The following DLG2 variants were observed in gnomAD, a reference collection of about 807,000 sequenced individuals.
DLG2 encodes disks large homolog 2.
Under a neutral mutation model 132.5 loss-of-function variants are expected in DLG2, and 45 were observed. The observed-to-expected ratio is 0.34, with a 90% confidence interval of 0.27 to 0.44. The LOEUF is 0.44. Ranked by LOEUF, DLG2 falls within the 20% of genes least tolerant of loss-of-function variation. The pLI, the probability that DLG2 is intolerant of heterozygous loss-of-function variation, is 1.00. For synonymous variants in DLG2, 424 were observed against 419.6 expected, an observed-to-expected ratio of 1.01 and a Z score of -0.13; for missense variants, 1,045 against 1,196.9, an observed-to-expected ratio of 0.87 and a Z score of 1.87.
chr11:85,260,838 T>A (rs114802751), intron 4 of DLG2, among the ~76,000 whole-genome samples: 116 of 152,296 alleles, frequency 7.6e-4, no homozygotes, highest in African/African-American at 2.6e-3. Context: ...CTGATCTGCA[T>A]GTGGGAAAGA....
intron 17 of DLG2, among the ~76,000 whole-genome samples, chr11:83,825,755 G>A (rs2052565484): frequency 6.6e-6 from 1 of 152,166 alleles, no homozygotes; most frequent in African/African-American, 2.4e-5. Context: ...AAACACACTT[G>A]TGTGTGGTTT....
intron 12 of DLG2, among the ~76,000 whole-genome samples, chr11:83,976,589 C>T (rs188569014): frequency 7.2e-4 from 110 of 151,938 alleles, no homozygotes; most frequent in African/African-American, 2.5e-3. Flanking sequence ...TTTAGGGTGG[C>T]TTCAGTGATT....
At chr11:84,203,941 A>T (rs1566920560) in intron 8 of DLG2, among the ~76,000 whole-genome samples, 1 of 152,122 alleles carries the variant, frequency 6.6e-6, no homozygotes, top group Non-Finnish European at 1.5e-5. Context: ...TTAAAATAAA[A>T]GTCGGGGAAA....
At chr11:83,694,817 T>C (rs138468806) in intron 18 of DLG2, among the ~76,000 whole-genome samples, 44 of 152,352 alleles carry the variant, frequency 2.9e-4, no homozygotes, top group African/African-American at 9.9e-4. Flanking sequence ...GCTGAAAATC[T>C]ACTCCACGAT....
At chr11:84,664,444 C>A (rs141971483) in intron 6 of DLG2, among the ~76,000 whole-genome samples, 1 of 152,144 alleles carries the variant, frequency 6.6e-6, no homozygotes, top group Admixed American at 6.5e-5. Context: ...AAGACTTTGA[C>A]AAATGTTTAT....
chr11:83,837,723 C>CAAAAAAAAAAAAAAGAAAAAA (rs2056582790), intron 16 of DLG2, among the ~76,000 whole-genome samples: 1 of 45,948 alleles, frequency 2.2e-5, no homozygotes, highest in Non-Finnish European at 3.6e-5. Flanking sequence ...ACATAGCAAG[C>CAAAAAAAAAAAAAAGAAAAAA]AAAAAAAAAA....
At chr11:85,006,566 G>A (rs568558191) in intron 6 of DLG2, among the ~76,000 whole-genome samples, 4 of 152,200 alleles carry the variant, frequency 2.6e-5, no homozygotes, top group Admixed American at 1.3e-4. Context: ...TGAGATCAGT[G>A]GTGATGTCCC....
intron 20 of DLG2, among the ~76,000 whole-genome samples, chr11:83,536,701 A>T (rs575966287): frequency 1.3e-5 from 2 of 152,246 alleles, no homozygotes; most frequent in East Asian, 3.9e-4. Flanking sequence ...GGTTGACATG[A>T]GCTGGGTACA....
chr11:84,066,558 G>A (rs555736768), intron 10 of DLG2, among the ~76,000 whole-genome samples: 2 of 152,092 alleles, frequency 1.3e-5, no homozygotes, highest in Non-Finnish European at 2.9e-5. Flanking sequence ...TCAGGAGTTC[G>A]AGACCAGCCT....
chr11:84,628,036 T>C (rs2099625610), intron 6 of DLG2, among the ~76,000 whole-genome samples: 1 of 152,012 alleles, frequency 6.6e-6, no homozygotes, highest in African/African-American at 2.4e-5. Flanking sequence ...GGTAAATTAC[T>C]AGACCTCCCA....
At chr11:85,527,400 C>T (rs1052433719) in intron 3 of DLG2, among the ~76,000 whole-genome samples, 1 of 152,100 alleles carries the variant, frequency 6.6e-6, no homozygotes, top group South Asian at 2.1e-4. Flanking sequence ...CCTGTGTCCA[C>T]ATGTTGTCAT....
chr11:85,341,522 C>A (rs917461856), intron 3 of DLG2, among the ~76,000 whole-genome samples: 1 of 152,200 alleles, frequency 6.6e-6, no homozygotes, highest in Non-Finnish European at 1.5e-5. Flanking sequence ...TGCCTAATTG[C>A]ATTGGCTGAT....
intron 6 of DLG2, among the ~76,000 whole-genome samples, chr11:84,781,765 T>C (rs911816144): frequency 4.6e-5 from 7 of 152,146 alleles, no homozygotes; most frequent in African/African-American, 1.7e-4. Context: ...AAAATTACTC[T>C]TTGCAGCCAT....
At chr11:83,886,531 C>G (rs898781024) in intron 15 of DLG2, among the ~76,000 whole-genome samples, 1 of 152,182 alleles carries the variant, frequency 6.6e-6, no homozygotes, top group African/African-American at 2.4e-5. Flanking sequence ...CAACAATAGA[C>G]AGATGAATGA....
chr11:83,966,162 T>A (rs2090147933), intron 12 of DLG2, among the ~76,000 whole-genome samples: 1 of 152,060 alleles, frequency 6.6e-6, no homozygotes, highest in African/African-American at 2.4e-5. Context: ...GACCAAACTA[T>A]ATGAACATTA....
intron 6 of DLG2, among the ~76,000 whole-genome samples, chr11:84,973,020 C>T (rs748321835): frequency 1.4e-4 from 21 of 150,754 alleles, no homozygotes; most frequent in African/African-American, 1.7e-4. Context: ...GGCAGTGGCG[C>T]GATCTCAGCT....
intron 11 of DLG2, among the ~76,000 whole-genome samples, chr11:84,031,141 G>A (rs981984199): frequency 2.6e-5 from 4 of 151,340 alleles, no homozygotes; most frequent in Non-Finnish European, 4.4e-5. Context: ...ATCACCAGAA[G>A]GGTATTGAAA....
At chr11:83,675,829 A>G (rs751776418) in intron 18 of DLG2, among the ~76,000 whole-genome samples, 9 of 152,080 alleles carry the variant, frequency 5.9e-5, no homozygotes, top group Admixed American at 3.9e-4. Context: ...CTCTACCTCA[A>G]ATCCTTTCCT....
chr11:84,783,598 C>T (rs1160956657), intron 6 of DLG2, among the ~76,000 whole-genome samples: 1 of 152,146 alleles, frequency 6.6e-6, no homozygotes, highest in African/African-American at 2.4e-5. Context: ...GTATCTTACA[C>T]TGATATAACA....
Sources: gnomAD v4.1 joint callset for allele counts (sites outside exome capture counted in the v4.1 genomes callset) on GRCh38, gnomAD v4.1.1 for gene constraint, MANE v1.5 for transcripts, NCBI Gene and HGNC (gene_info 2026-07-23, HGNC 2026-07-21) for gene names.